The following TRHDE variants were observed in gnomAD, a reference collection of about 807,000 sequenced individuals.
The protein encoded by TRHDE is thyrotropin-releasing hormone-degrading ectoenzyme.
A neutral mutation model predicts 125.7 loss-of-function variants in TRHDE; 72 were observed. That is an observed-to-expected ratio of 0.57 (90% CI 0.47 to 0.70). TRHDE has a LOEUF of 0.70. TRHDE is among the 30% of genes least tolerant of loss of function. The pLI is 0.00. For synonymous variants in TRHDE, 509 were observed against 509.1 expected, an observed-to-expected ratio of 1.00 and a Z score of 0.00; for missense variants, 1,110 against 1,327.1, an observed-to-expected ratio of 0.84 and a Z score of 2.54.
At chr12:72,218,158 T>C (rs1200607222) in intron 2 of TRHDE, among the ~76,000 whole-genome samples, 1 of 152,072 alleles carries the variant, frequency 6.6e-6, no homozygotes, top group East Asian at 1.9e-4. Context: ...AGAAAAAATG[T>C]GAAGTTACTT....
At chr12:72,622,154 A>G (rs1873080393) in intron 15 of TRHDE, among the ~76,000 whole-genome samples, 1 of 152,104 alleles carries the variant, frequency 6.6e-6, no homozygotes, top group South Asian at 2.1e-4. Context: ...TAGCATAACA[A>G]ATGTTAATAT....
intron 2 of TRHDE, among the ~76,000 whole-genome samples, chr12:72,226,037 A>G (rs1237593375): frequency 6.6e-6 from 1 of 152,248 alleles, no homozygotes; most frequent in South Asian, 2.1e-4. Context: ...GGGACCACAG[A>G]TTAGCTGGAT....
intron 2 of TRHDE, among the ~76,000 whole-genome samples, chr12:72,193,407 A>G (rs1204672897): frequency 2.0e-5 from 3 of 152,168 alleles, no homozygotes; most frequent in Admixed American, 2.0e-4. Flanking sequence ...GGAAGAAATT[A>G]TTTATTCAGT....
intron 2 of TRHDE, among the ~76,000 whole-genome samples, chr12:72,222,578 G>A (rs1447785786): frequency 6.6e-6 from 1 of 152,098 alleles, no homozygotes; most frequent in Non-Finnish European, 1.5e-5. Flanking sequence ...TAAGTTCCAA[G>A]GTGATATTGA....
At chr12:72,661,700 A>G (rs948178987) in intron 18 of TRHDE, among the ~76,000 whole-genome samples, 1 of 152,120 alleles carries the variant, frequency 6.6e-6, no homozygotes, top group Non-Finnish European at 1.5e-5. Context: ...CCATGGCACA[A>G]TGTCTGCAAC....
At chr12:72,217,287 A>G (rs1877913139) in intron 2 of TRHDE, among the ~76,000 whole-genome samples, 1 of 152,164 alleles carries the variant, frequency 6.6e-6, no homozygotes, top group Non-Finnish European at 1.5e-5. Flanking sequence ...AAGTTACTCT[A>G]TAACCTCATT....
At chr12:72,099,378 C>T (rs910482324) in intron 1 of TRHDE, among the ~76,000 whole-genome samples, 1 of 152,106 alleles carries the variant, frequency 6.6e-6, no homozygotes, top group South Asian at 2.1e-4. Context: ...TGTTATATTG[C>T]AGAGGGTAAC....
rs1027334172 is a variant in TRHDE at position 72,272,550 on chromosome 12, G to T, written c.-94G>T. 22 of 581,148 alleles carry T rather than the reference G, an allele frequency of 3.8e-5. No individual in the cohort carries two copies. The highest frequency in any genetic ancestry group is 6.0e-5 in the Non-Finnish European group (20 of 333,748). The allele number at this position is 581,148 out of a possible 1,614,324, so 36.0% of individuals were successfully genotyped here. ...ATCCCCAGTCGCGCGCCCTCGGCCCGCGTGAGCTCTCCGATGCCTGCTCTG... is the reference window on the plus strand; with the variant it reads ...ATCCCCAGTCGCGCGCCCTCGGCCCTCGTGAGCTCTCCGATGCCTGCTCTG... On this transcript the variant is annotated 5_prime_UTR_variant, in exon 1 of 19. Coordinates refer to ENST00000261180, the MANE Select transcript of TRHDE (RefSeq NM_013381.3). The surrounding 1 kb of genome is among the most constrained non-coding windows in gnomAD (Gnocchi z 6.7).
intron 7 of TRHDE, among the ~76,000 whole-genome samples, chr12:72,543,775 GA>G (rs1419464885): frequency 6.8e-6 from 1 of 147,202 alleles, no homozygotes. Flanking sequence ...ATATTATTTG[GA>G]AAGGATTATT....
At chr12:72,138,752 T>C (rs115253653) in intron 2 of TRHDE, among the ~76,000 whole-genome samples, 5,385 of 152,340 alleles carry the variant, frequency 0.035, 169 homozygotes, top group African/African-American at 0.086. Context: ...AGATATTCCG[T>C]TGTCCAGTGC....
chr12:72,589,080 C>T (rs11833556), intron 12 of TRHDE, among the ~76,000 whole-genome samples: 40,376 of 151,994 alleles, frequency 0.27, 8,151 homozygotes, highest in African/African-American at 0.54. Context: ...AGGTGAGATT[C>T]GGGTGGGGAC....
At chr12:72,637,998 G>C (rs1044599508) in intron 15 of TRHDE, among the ~76,000 whole-genome samples, 1 of 151,824 alleles carries the variant, frequency 6.6e-6, no homozygotes, top group Non-Finnish European at 1.5e-5. Context: ...GGGGTGGAGA[G>C]TTCTGTAGAT....
intron 15 of TRHDE, among the ~76,000 whole-genome samples, chr12:72,636,123 T>G (rs1181210171): frequency 6.6e-6 from 1 of 152,176 alleles, no homozygotes; most frequent in African/African-American, 2.4e-5. Context: ...TATTGATTCT[T>G]CCTACCCATG....
chr12:72,469,616 C>A, intron 3 of TRHDE, 142 bp from the exon 4 acceptor site: 1 of 766,588 alleles, frequency 1.3e-6, no homozygotes, highest in South Asian at 1.7e-5. Flanking sequence ...GTAAAAATGG[C>A]AAGTAGTTTA....
chr12:72,404,041 T>G (rs1873160441), intron 3 of TRHDE, among the ~76,000 whole-genome samples: 1 of 152,142 alleles, frequency 6.6e-6, no homozygotes, highest in African/African-American at 2.4e-5. Context: ...GTGTCTGTGT[T>G]TCTATGATAT....
At position 72,562,195 on chromosome 12, in the gene TRHDE, G is replaced by T. The variant is rs758159060; in HGVS notation, c.1819G>T (p.Ala607Ser). The change falls in exon 8 of 19, where the codon GCA becomes TCA. Residue 607 changes from alanine to serine, a missense_variant. By Grantham distance (99) the Ala-to-Ser change is moderately conservative. Transcript: ENST00000261180. ...TTTAACCATTCATAAGTATGGTAAT[G>T]CAGCCAGAAATGATCTCTGGAATAC... ...DYLTIHKYGN[A>S]ARNDLWNTLS... is the part of the protein sequence containing the mutation. 6.4e-7 allele frequency: 1 copy of T among 1,565,408 alleles called. No homozygotes were observed. Among genetic ancestry groups the T allele is most frequent in the Non-Finnish European group, 8.8e-7 (1 of 1,140,884 alleles).
rs1163677081 is a variant in TRHDE at position 72,664,059 on chromosome 12, A to G, written c.*864A>G. On this transcript the variant is annotated 3_prime_UTR_variant, in exon 19 of 19. Transcript: ENST00000261180. Reference sequence around the variant, plus strand: ...TAACTAAATTTCTCAACTGTTATGAATTTTTCATCTACTTCTTGAACAGTG... The same window carrying G: ...TAACTAAATTTCTCAACTGTTATGAGTTTTTCATCTACTTCTTGAACAGTG... 1 of 152,000 alleles carries G rather than the reference A, an allele frequency of 6.6e-6. No homozygotes were observed. Among genetic ancestry groups the G allele is most frequent in the African/African-American group, 2.4e-5 (1 of 41,408 alleles). The allele number at this position is 152,000 out of a possible 1,614,324, so 9.4% of individuals were successfully genotyped here.
At chr12:72,576,260 A>T (rs1870988926) in intron 12 of TRHDE, among the ~76,000 whole-genome samples, 1 of 152,132 alleles carries the variant, frequency 6.6e-6, no homozygotes, top group Non-Finnish European at 1.5e-5. Context: ...CTGTCAATTA[A>T]GACAGGTGAC....
chr12:72,618,877 T>C lies in TRHDE; in HGVS notation c.2322-14T>C. ...TGTGCATCATCATGTATCTTTTTTT[T>C]TTTTTAACTGTAGGGCTGGCTATTT... On this transcript the variant is annotated splice_polypyrimidine_tract_variant and intron_variant, in intron 12 of 18. Transcript: ENST00000261180. 1 of 1,488,978 alleles carries C rather than the reference T, an allele frequency of 6.7e-7. No individual in the cohort carries two copies. Among genetic ancestry groups the C allele is most frequent in the Non-Finnish European group, 9.0e-7 (1 of 1,117,276 alleles). The allele number at this position is 1,488,978 out of a possible 1,614,324, so 92.2% of individuals were successfully genotyped here.
Sources: gnomAD v4.1 joint callset for allele counts (sites outside exome capture counted in the v4.1 genomes callset) on GRCh38, gnomAD v4.1.1 for gene constraint, Gnocchi (gnomAD v3.1) non-coding constraint, MANE v1.5 for transcripts, NCBI Gene and HGNC (gene_info 2026-07-23, HGNC 2026-07-21) for gene names.